Variants in PFKFB2 observed in about 807,000 individuals in gnomAD.
PFKFB2 encodes the protein 6-phosphofructo-2-kinase/fructose-2,6-bisphosphatase 2.
PFKFB2 carries 53 observed loss-of-function variants against 68.0 expected under a neutral mutation model. The ratio of observed to expected loss-of-function variants is 0.78; its 90% CI spans 0.63 to 0.98. The LOEUF is 0.98. PFKFB2 is among the 50% of genes least tolerant of loss of function. The probability of loss-of-function intolerance (pLI) is 0.00; values close to 1 mark genes in which losing one functional copy is unlikely to be tolerated. For synonymous variants in PFKFB2, 222 were observed against 227.6 expected (o/e 0.98, Z 0.22); for missense variants, 451 against 642.0 (o/e 0.70, Z 3.22).
upstream of PFKFB2, chr1:207,053,220 G>A (rs948929762): frequency 3.9e-5 from 6 of 152,370 alleles, no homozygotes; most frequent in African/African-American, 1.2e-4. Flanking sequence ...GAGGACCTAC[G>A]CGCGAGGGGG....
rs772700196 is a variant in PFKFB2, at chr1:207,077,306, A to C, written c.*4935A>C. 2.1e-5 allele frequency: 21 copies of C among 985,132 alleles called. No individual in the cohort carries two copies. The highest frequency in any genetic ancestry group is 2.5e-5 in the Non-Finnish European group (21 of 829,740). The allele number at this position is 985,132 out of a possible 1,614,324, so 61.0% of individuals were successfully genotyped here. On this transcript the variant is annotated 3_prime_UTR_variant, in exon 15 of 15. Transcript: ENST00000367080. ...TTTACACTTAATCTAGTAAGTAAAA[A>C]TGAGAAGAAAATTTGGCATTTAAAA...
intron 8 of PFKFB2, 60 bp downstream of exon 8, chr1:207,065,220 C>T (rs565785975): frequency 1.2e-5 from 19 of 1,592,308 alleles, no homozygotes; most frequent in Middle Eastern, 2.1e-4. Flanking sequence ...GGGAAAATAA[C>T]CTTTCTCCCT....
At chr1:207,038,522 A>C (rs1177989775) in intron 1 of PFKFB2, among the ~76,000 whole-genome samples, 1 of 152,240 alleles carries the variant, frequency 6.6e-6, no homozygotes, top group Non-Finnish European at 1.5e-5. Flanking sequence ...TCATGTTTGC[A>C]AATGCTGTAC....
rs889031831 is a variant in PFKFB2 at position 207,074,034 on chromosome 1, G to A, written c.*1663G>A. On this transcript the variant is annotated 3_prime_UTR_variant, in exon 15 of 15. Coordinates refer to ENST00000367080, the MANE Select transcript of PFKFB2 (RefSeq NM_006212.2). ...GAGTATTCCTTAGAATTGCCTTTAG[G>A]ATTGTTGAATCATAAACATGCCTGT... is the stretch of plus-strand genomic sequence containing the variant. 1.1e-6 allele frequency: 1 copy of A among 950,684 alleles called. No homozygotes were observed. Among genetic ancestry groups the A allele is most frequent in the African/African-American group, 1.8e-5 (1 of 56,462 alleles). 58.9% of individuals were successfully genotyped at this position (950,684 alleles called of 1,614,324 possible). A position where few individuals can be genotyped will look rare whatever the true frequency, so the allele number is the denominator to read the frequency against.
chr1:207,064,581 G>A (rs1683224297), intron 7 of PFKFB2, among the ~76,000 whole-genome samples: 1 of 152,194 alleles, frequency 6.6e-6, no homozygotes. Context: ...GTGCTCTGCT[G>A]GACCGAGTAG....
intron 2 of PFKFB2, chr1:207,044,084 A>T (rs1217161673): frequency 1.3e-5 from 2 of 152,468 alleles, no homozygotes; most frequent in Admixed American, 1.3e-4. Context: ...CATCTGCATT[A>T]AGAAAAAATA....
chr1:207,046,569 A>G (rs759013278), intron 2 of PFKFB2: 1 of 152,102 alleles, frequency 6.6e-6, no homozygotes, highest in Non-Finnish European at 1.5e-5. Flanking sequence ...TCAGCAGACT[A>G]AAGAGTCATT....
upstream of PFKFB2, chr1:207,049,264 T>C (rs1424741649): frequency 2.5e-6 from 4 of 1,614,160 alleles, no homozygotes; most frequent in Non-Finnish European, 2.5e-6. Context: ...AAGTGGATCA[T>C]AGTGGATGCC....
chr1:207,058,643 G>A (rs143927581), intron 2 of PFKFB2, among the ~76,000 whole-genome samples: 3 of 151,800 alleles, frequency 2.0e-5, no homozygotes, highest in Non-Finnish European at 2.9e-5. Context: ...TTTTGAGACC[G>A]GGTTATGAGA....
At position 207,072,492 on chromosome 1, in the gene PFKFB2, A is replaced by G. The variant is rs1683495651; in HGVS notation, c.*121A>G. 1.4e-6 allele frequency: 2 copies of G among 1,470,102 alleles called. No homozygotes were observed. Among genetic ancestry groups the G allele is most frequent in the East Asian group, 4.9e-5 (2 of 41,230 alleles). 91.1% of individuals were successfully genotyped at this position (1,470,102 alleles called of 1,614,324 possible). ...CTTCCTCCCTCTATGCCCACCCCTGACACTTCACCATTAATCTTAACACAG... is the reference window on the plus strand; with the variant it reads ...CTTCCTCCCTCTATGCCCACCCCTGGCACTTCACCATTAATCTTAACACAG... On this transcript the variant is annotated 3_prime_UTR_variant, in exon 15 of 15. Transcript: ENST00000367080.
chr1:207,054,021 A>C (rs919577578), intron 1 of PFKFB2, among the ~76,000 whole-genome samples: 4 of 147,414 alleles, frequency 2.7e-5, no homozygotes, highest in African/African-American at 1.0e-4. Context: ...CTCCTGCCTC[A>C]GCCTCCCGAG....
At position 207,065,071 on chromosome 1, in the gene PFKFB2, G is replaced by T. The variant is rs770374061; in HGVS notation, c.543G>T (p.Arg181Ser). The part of the protein sequence containing the change: ...VKVSSPDYPE[R>S]NRENVMEDFL... ...TATCAAGCCCTGACTATCCTGAAAG[G>T]AACAGAGAGAACGTGATGGAGGACT... is the stretch of plus-strand genomic sequence containing the variant. Residue 181 changes from arginine to serine, a missense_variant, in exon 8 of 15, where the codon AGG (arginine) becomes AGT (serine). Arg to Ser is a moderately radical substitution (Grantham distance 110). Transcript: ENST00000367080. The T allele has an allele frequency of 6.2e-7, 1 of 1,613,950 alleles. No homozygotes were observed. The highest frequency in any genetic ancestry group is 1.3e-5 in the African/African-American group (1 of 74,906).
At chr1:207,042,549 CAAAAA>C (rs57077682) in intron 2 of PFKFB2, among the ~76,000 whole-genome samples, 21 of 44,710 alleles carry the variant, frequency 4.7e-4, no homozygotes, top group South Asian at 2.4e-3. Context: ...CTCTGTCTCA[CAAAAA>C]AAAAAAAAAA....
rs944121185 is a variant in PFKFB2 at position 207,077,617 on chromosome 1, G to A, written c.*5246G>A. 2.0e-6 allele frequency: 2 copies of A among 985,610 alleles called. No homozygotes were observed. Among genetic ancestry groups the A allele is most frequent in the Non-Finnish European group, 2.4e-6 (2 of 829,732 alleles). 61.1% of individuals were successfully genotyped at this position (985,610 alleles called of 1,614,324 possible). A position where few individuals can be genotyped will look rare whatever the true frequency, so the allele number is the denominator to read the frequency against. On this transcript the variant is annotated 3_prime_UTR_variant, in exon 15 of 15. Coordinates refer to ENST00000367080, the MANE Select transcript of PFKFB2 (RefSeq NM_006212.2). ...TCAGATTGGGAAGCCTAGGAAGAGA[G>A]TTCTACTGTAGATTTCCTAGGCACT...
intron 1 of PFKFB2, among the ~76,000 whole-genome samples, chr1:207,039,557 T>TAG (rs1477193520): frequency 6.6e-6 from 1 of 152,232 alleles, no homozygotes; most frequent in Non-Finnish European, 1.5e-5. Context: ...GACAAATTCT[T>TAG]ACGAAACCCT....
upstream of PFKFB2, among the ~76,000 whole-genome samples, chr1:207,051,676 G>T (rs543511766): frequency 6.6e-6 from 1 of 152,320 alleles, no homozygotes; most frequent in South Asian, 2.1e-4. Context: ...CAGTTCCTGG[G>T]CATACAAATA....
Position 207,071,538 on chromosome 1 carries a change from G to A in PFKFB2, c.1315G>A (p.Val439Met), listed in dbSNP as rs1683465646. ...GCKVETIKLN[V>M]EAVNTHRDKP... ...CAAAGTGGAAACAATTAAACTTAACGTGGAGGCTGTGAACACGCACCGTGA... is the reference window on the plus strand; with the variant it reads ...CAAAGTGGAAACAATTAAACTTAACATGGAGGCTGTGAACACGCACCGTGA... The change falls in exon 14 of 15, where the codon GTG becomes ATG. Residue 439 changes from valine (V) to methionine (M), a missense_variant. Coordinates refer to ENST00000367080, the MANE Select transcript of PFKFB2 (RefSeq NM_006212.2). 5.0e-6 allele frequency: 8 copies of A among 1,613,794 alleles called. No homozygotes were observed. Among genetic ancestry groups the A allele is most frequent in the East Asian group, 4.5e-5 (2 of 44,878 alleles).
At position 207,069,422 on chromosome 1, in the gene PFKFB2, A is replaced by C; in HGVS notation, c.988-2A>C. 1 of 1,610,382 alleles carries C rather than the reference A, an allele frequency of 6.2e-7. No individual in the cohort carries two copies. Among genetic ancestry groups the C allele is most frequent in the South Asian group, 1.1e-5 (1 of 90,952 alleles). On this transcript the variant is annotated splice_acceptor_variant, in intron 10 of 14. Transcript: ENST00000367080. LOFTEE classifies it high-confidence loss of function. ...AAGCCAGCTTCAAGTGGCTTTTTGCAGGGTGTGTGTGAAGAGATGACCTAT... is the reference window on the plus strand; with the variant it reads ...AAGCCAGCTTCAAGTGGCTTTTTGCCGGGTGTGTGTGAAGAGATGACCTAT...
In PFKFB2 at chr1:207,073,727, T is replaced by C. The variant is rs976922498; in HGVS notation, c.*1356T>C. 3 of 985,092 alleles carry C rather than the reference T, an allele frequency of 3.0e-6. No individual in the cohort carries two copies. The highest frequency in any genetic ancestry group is 3.5e-5 in the African/African-American group (2 of 57,234). The allele number at this position is 985,092 out of a possible 1,614,324, so 61.0% of individuals were successfully genotyped here. A position where few individuals can be genotyped will look rare whatever the true frequency, so the allele number is the denominator to read the frequency against. ...CACTTCTGTCATTTCATTTTCTTTGTAGGGTTAAACAGAAAATGTTTAGGG... is the reference window on the plus strand; with the variant it reads ...CACTTCTGTCATTTCATTTTCTTTGCAGGGTTAAACAGAAAATGTTTAGGG... On this transcript the variant is annotated 3_prime_UTR_variant, in exon 15 of 15. Coordinates refer to ENST00000367080, the MANE Select transcript of PFKFB2 (RefSeq NM_006212.2).
Sources: gnomAD v4.1 joint callset for allele counts (sites outside exome capture counted in the v4.1 genomes callset) on GRCh38, gnomAD v4.1.1 for gene constraint, MANE v1.5 for transcripts, NCBI Gene and HGNC (gene_info 2026-07-23, HGNC 2026-07-21) for gene names.